The following PLEKHG1 variants were observed in gnomAD, a reference collection of about 807,000 sequenced individuals.
The protein encoded by PLEKHG1 is pleckstrin homology domain-containing family G member 1.
A neutral mutation model predicts 100.8 loss-of-function variants in PLEKHG1; 44 were observed. The observed-to-expected ratio is 0.44, with a 90% CI of 0.34 to 0.56. The LOEUF (loss-of-function observed/expected upper bound fraction) is 0.56. Ranked by LOEUF, PLEKHG1 falls within the 20% of genes least tolerant of loss-of-function variation. The pLI is 0.01. For missense variants in PLEKHG1, 1,545 were observed against 1,720.9 expected (o/e 0.90, Z 1.81); for synonymous variants, 640 against 662.5 (o/e 0.97, Z 0.52).
intron 2 of PLEKHG1, among the ~76,000 whole-genome samples, chr6:150,763,579 G>A (rs1387896866): frequency 6.6e-6 from 1 of 152,174 alleles, no homozygotes; most frequent in Non-Finnish European, 1.5e-5. Flanking sequence ...GTCCAGTCCA[G>A]GGGGTACCAA....
intron 4 of PLEKHG1, among the ~76,000 whole-genome samples, chr6:150,789,914 C>T (rs894222055): frequency 6.6e-6 from 1 of 152,316 alleles, no homozygotes; most frequent in East Asian, 1.9e-4. Context: ...GAGTCTATAG[C>T]AGTCGAGGTG....
intron 3 of PLEKHG1, among the ~76,000 whole-genome samples, chr6:150,713,435 G>GC (rs1781310466): frequency 6.6e-6 from 1 of 152,156 alleles, no homozygotes; most frequent in African/African-American, 2.4e-5. Context: ...GAATATCAGT[G>GC]CAAACCACCC....
At chr6:150,674,632 C>CTCTCTCTCTCTCTCTCTCTCTCTCT (rs1562427503) in intron 3 of PLEKHG1, among the ~76,000 whole-genome samples, 2 of 66,340 alleles carry the variant, frequency 3.0e-5, no homozygotes, top group African/African-American at 6.8e-5. Context: ...CTCTCTCCTC[C>CTCTCTCTCTCTCTCTCTCTCTCTCT]CTCTCTCTCT....
chr6:150,819,730 G>A (rs751615254), exon 12 of PLEKHG1: 1 of 1,612,564 alleles, frequency 6.2e-7, no homozygotes, highest in South Asian at 1.1e-5. Flanking sequence ...GCACTGTTCG[G>A]CTCTAAAGAA....
intron 1 of PLEKHG1, among the ~76,000 whole-genome samples, chr6:150,604,774 A>T (rs552692011): frequency 6.6e-6 from 1 of 152,336 alleles, no homozygotes; most frequent in African/African-American, 2.4e-5. Flanking sequence ...AGACGTCAAC[A>T]TTCTACTTTG....
At chr6:150,812,760 ACTT>A (rs901529308) in intron 10 of PLEKHG1, among the ~76,000 whole-genome samples, 2 of 152,114 alleles carry the variant, frequency 1.3e-5, no homozygotes, top group African/African-American at 2.4e-5. Context: ...ACAGTGGCTC[ACTT>A]CTTGTTGGAA....
intron 1 of PLEKHG1, among the ~76,000 whole-genome samples, chr6:150,625,213 A>AT (rs1178915799): frequency 5.9e-5 from 9 of 152,174 alleles, no homozygotes; most frequent in Non-Finnish European, 8.8e-5. Context: ...TGCTAGGTCT[A>AT]CCATAACAAA....
intron 15 of PLEKHG1, among the ~76,000 whole-genome samples, chr6:150,837,495 A>G (rs764319764): frequency 1.3e-5 from 2 of 152,258 alleles, no homozygotes; most frequent in Non-Finnish European, 2.9e-5. Context: ...TTCTTACAAG[A>G]CTTAATGGTT....
intron 2 of PLEKHG1, among the ~76,000 whole-genome samples, chr6:150,639,413 T>C (rs1562401360): frequency 6.6e-6 from 1 of 152,356 alleles, no homozygotes; most frequent in Middle Eastern, 3.4e-3. Context: ...TTTGGAATAT[T>C]CAGTATCCTT....
chr6:150,819,098 T>C (rs985927039), intron 11 of PLEKHG1, among the ~76,000 whole-genome samples: 2 of 149,332 alleles, frequency 1.3e-5, no homozygotes, highest in Non-Finnish European at 3.0e-5. Context: ...ACATTTTACC[T>C]GCAGAAATTG....
intron 14 of PLEKHG1, chr6:150,828,189 G>T (rs1231135267): frequency 2.5e-6 from 4 of 1,613,738 alleles, no homozygotes; most frequent in African/African-American, 1.3e-5. Flanking sequence ...AGATATCAAG[G>T]CTCAGTTTAT....
chr6:150,804,183 T>A (rs1389049521), intron 6 of PLEKHG1, among the ~76,000 whole-genome samples: 142 of 52,996 alleles, frequency 2.7e-3, no homozygotes, highest in South Asian at 3.8e-3. Flanking sequence ...ATATTTTTTT[T>A]TTTTTTTTTT....
Position 150,683,874 on chromosome 6 carries a change from G to A in PLEKHG1, c.-99+33088G>A. 2 of 1,228,122 alleles carry A rather than the reference G, an allele frequency of 1.6e-6. No individual in the cohort carries two copies. The highest frequency in any genetic ancestry group is 2.1e-6 in the Non-Finnish European group (2 of 939,418). 76.1% of individuals were successfully genotyped at this position (1,228,122 alleles called of 1,614,324 possible). A position where few individuals can be genotyped will look rare whatever the true frequency, so the allele number is the denominator to read the frequency against. Reference sequence around the variant, plus strand: ...AAATATGGGAATATTGAAGGGGCCTGGGATGGAGGTAAGATGGAGCGATCC... The same window carrying A: ...AAATATGGGAATATTGAAGGGGCCTAGGATGGAGGTAAGATGGAGCGATCC... On this transcript the variant is annotated intron_variant, in intron 3 of 3. Transcript: ENST00000367326. This position sits in a 1 kb window ranked among gnomAD's most constrained non-coding sequence, Gnocchi z 4.0.
At chr6:150,816,102 A>T (rs779127112) in intron 10 of PLEKHG1, among the ~76,000 whole-genome samples, 1 of 152,142 alleles carries the variant, frequency 6.6e-6, no homozygotes, top group Non-Finnish European at 1.5e-5. Context: ...GAGCAACTAG[A>T]CAGTCCCATC....
chr6:150,775,023 C>T (rs1171943635), intron 3 of PLEKHG1, among the ~76,000 whole-genome samples: 2 of 152,004 alleles, frequency 1.3e-5, no homozygotes, highest in South Asian at 2.1e-4. Context: ...TTTTGGAATA[C>T]AATTGAAATT....
intron 2 of PLEKHG1, among the ~76,000 whole-genome samples, chr6:150,643,119 C>A (rs1159621426): frequency 6.6e-6 from 1 of 152,072 alleles, no homozygotes; most frequent in African/African-American, 2.4e-5. Flanking sequence ...GAAGAGGTCA[C>A]CTACTGGAAT....
At chr6:150,669,472 C>T (rs74684704) in intron 3 of PLEKHG1, among the ~76,000 whole-genome samples, 2,259 of 152,054 alleles carry the variant, frequency 0.015, 24 homozygotes, top group East Asian at 0.033. Flanking sequence ...TAAAATAACG[C>T]GACGTTCTTT....
chr6:150,772,463 T>A (rs191479413), intron 3 of PLEKHG1, among the ~76,000 whole-genome samples: 1 of 152,020 alleles, frequency 6.6e-6, no homozygotes, highest in East Asian at 1.9e-4. Flanking sequence ...CTACAAAAAA[T>A]CAAAAAATTA....
At chr6:150,688,625 G>A (rs1037677850) in intron 3 of PLEKHG1, among the ~76,000 whole-genome samples, 1 of 152,052 alleles carries the variant, frequency 6.6e-6, no homozygotes, top group African/African-American at 2.4e-5. Context: ...AAGCCACCAA[G>A]CCCAACCATT....
Sources: gnomAD v4.1 joint callset for allele counts (sites outside exome capture counted in the v4.1 genomes callset) on GRCh38, gnomAD v4.1.1 for gene constraint, Gnocchi (gnomAD v3.1) non-coding constraint, MANE v1.5 for transcripts, NCBI Gene and HGNC (gene_info 2026-07-23, HGNC 2026-07-21) for gene names.